Variants in ATRNL1 observed in about 807,000 individuals in gnomAD.
ATRNL1 encodes attractin like 1.
A neutral mutation model predicts 182.7 loss-of-function variants in ATRNL1; 95 were observed. That is an observed-to-expected ratio of 0.52 (90% CI 0.44 to 0.62). The LOEUF is 0.62. Ranked by LOEUF, ATRNL1 falls within the 20% of genes least tolerant of loss-of-function variation. The pLI, the probability that ATRNL1 is intolerant of heterozygous loss-of-function variation, is 0.00. For missense variants in ATRNL1, 1,471 were observed against 1,679.5 expected (o/e 0.88, Z 2.17); for synonymous variants, 576 against 568.3 (o/e 1.01, Z -0.19).
intron 1 of ATRNL1, among the ~76,000 whole-genome samples, chr10:115,101,505 A>G (rs1843766832): frequency 1.3e-5 from 2 of 152,180 alleles, no homozygotes; most frequent in Non-Finnish European, 2.9e-5. Flanking sequence ...TGAATTATGT[A>G]CATAATTTTT....
At chr10:115,473,102 A>G (rs1554972427) in intron 24 of ATRNL1, among the ~76,000 whole-genome samples, 1 of 151,268 alleles carries the variant, frequency 6.6e-6, no homozygotes, top group African/African-American at 2.4e-5. Flanking sequence ...TGAGATGATC[A>G]TATAATTTTT....
chr10:115,475,171 A>G (rs1333151395), intron 24 of ATRNL1, among the ~76,000 whole-genome samples: 1 of 151,498 alleles, frequency 6.6e-6, no homozygotes, highest in Non-Finnish European at 1.5e-5. Flanking sequence ...TTCCACTTGC[A>G]TCTAGATTAG....
At chr10:115,817,782 T>C (rs550320356) in intron 27 of ATRNL1, among the ~76,000 whole-genome samples, 3 of 148,864 alleles carry the variant, frequency 2.0e-5, no homozygotes, top group Non-Finnish European at 3.0e-5. Flanking sequence ...TTTTTTTTGG[T>C]TTGTTTTTAA....
At chr10:115,318,509 G>A (rs781929872) in intron 18 of ATRNL1, among the ~76,000 whole-genome samples, 4 of 152,034 alleles carry the variant, frequency 2.6e-5, no homozygotes, top group African/African-American at 9.7e-5. Context: ...CTGTGAATCT[G>A]TCTGGTCCTG....
intron 26 of ATRNL1, among the ~76,000 whole-genome samples, chr10:115,599,022 G>A (rs782376696): frequency 5.3e-5 from 8 of 152,118 alleles, no homozygotes; most frequent in Non-Finnish European, 8.8e-5. Flanking sequence ...TCATGCATTG[G>A]TCCTCTGGAA....
At chr10:115,754,033 T>G (rs1948519634) in intron 27 of ATRNL1, among the ~76,000 whole-genome samples, 1 of 152,200 alleles carries the variant, frequency 6.6e-6, no homozygotes, top group Admixed American at 6.5e-5. Context: ...GTTTTCTTCT[T>G]GTAAATTTGT....
At chr10:115,451,430 C>G (rs782706655) in intron 21 of ATRNL1, among the ~76,000 whole-genome samples, 2 of 151,998 alleles carry the variant, frequency 1.3e-5, no homozygotes, top group African/African-American at 4.8e-5. Context: ...AAACAAGCAA[C>G]CTCATTAAAA....
intron 21 of ATRNL1, among the ~76,000 whole-genome samples, chr10:115,457,417 C>A (rs1487982306): frequency 6.6e-6 from 1 of 152,060 alleles, no homozygotes; most frequent in African/African-American, 2.4e-5. Context: ...CTATCCAGAA[C>A]TGGCAGTTCA....
At chr10:115,219,296 T>C (rs1849353947) in intron 9 of ATRNL1, among the ~76,000 whole-genome samples, 1 of 151,712 alleles carries the variant, frequency 6.6e-6, no homozygotes, top group Non-Finnish European at 1.5e-5. Flanking sequence ...CTCACAGAGC[T>C]GTGTGAACAG....
intron 28 of ATRNL1, among the ~76,000 whole-genome samples, chr10:115,894,252 A>G (rs1468576424): frequency 6.6e-6 from 1 of 152,226 alleles, no homozygotes; most frequent in Non-Finnish European, 1.5e-5. Flanking sequence ...TTTTCTTTAT[A>G]GGACATGCAA....
At chr10:115,359,112 C>T (rs1330221977) in intron 19 of ATRNL1, among the ~76,000 whole-genome samples, 1 of 151,632 alleles carries the variant, frequency 6.6e-6, no homozygotes, top group African/African-American at 2.4e-5. Context: ...ATAATATCCC[C>T]ACTAACTTCA....
intron 1 of ATRNL1, among the ~76,000 whole-genome samples, chr10:115,114,033 G>A (rs926714878): frequency 2.0e-4 from 31 of 151,704 alleles, no homozygotes; most frequent in South Asian, 2.1e-4. Context: ...TTAAAACAGC[G>A]TGATACCTGC....
intron 8 of ATRNL1, among the ~76,000 whole-genome samples, chr10:115,185,848 C>T (rs2031530355): frequency 6.6e-6 from 1 of 152,020 alleles, no homozygotes; most frequent in Admixed American, 6.6e-5. Flanking sequence ...GGGAATTGGA[C>T]ACTGTGTGCC....
At chr10:115,312,267 A>C (rs1384451065) in intron 17 of ATRNL1, among the ~76,000 whole-genome samples, 1 of 152,112 alleles carries the variant, frequency 6.6e-6, no homozygotes, top group Non-Finnish European at 1.5e-5. Flanking sequence ...TAAGATTTAG[A>C]ACTCTTTTTA....
At chr10:115,182,835 A>C (rs1249764523) in intron 8 of ATRNL1, among the ~76,000 whole-genome samples, 1 of 151,592 alleles carries the variant, frequency 6.6e-6, no homozygotes, top group African/African-American at 2.4e-5. Context: ...AACCACAGGC[A>C]GTGAAGAGAA....
At chr10:115,362,553 G>T (rs545797936) in intron 19 of ATRNL1, among the ~76,000 whole-genome samples, 1 of 151,100 alleles carries the variant, frequency 6.6e-6, no homozygotes, top group Non-Finnish European at 1.5e-5. Context: ...AAGTTTTAGG[G>T]TACATGTGCA....
chr10:115,289,585 TTAATTC>T (rs781943213), intron 15 of ATRNL1, among the ~76,000 whole-genome samples: 2 of 152,130 alleles, frequency 1.3e-5, no homozygotes, highest in African/African-American at 4.8e-5. Flanking sequence ...GGGGTCTAGT[TTAATTC>T]TAATGCATAT....
intron 8 of ATRNL1, among the ~76,000 whole-genome samples, chr10:115,206,207 TTTG>T (rs1848790457): frequency 1.3e-5 from 2 of 152,114 alleles, no homozygotes; most frequent in South Asian, 4.1e-4. Context: ...CCTTATATAA[TTTG>T]TTATTTTTCT....
At chr10:115,744,095 A>C (rs1555068523) in intron 27 of ATRNL1, among the ~76,000 whole-genome samples, 1 of 152,126 alleles carries the variant, frequency 6.6e-6, no homozygotes. Context: ...ACTTTTAAAA[A>C]TGTATTGCAT....
Sources: gnomAD v4.1 joint callset for allele counts (sites outside exome capture counted in the v4.1 genomes callset) on GRCh38, gnomAD v4.1.1 for gene constraint, MANE v1.5 for transcripts, NCBI Gene and HGNC (gene_info 2026-07-23, HGNC 2026-07-21) for gene names.